ZSCAN5A: variants seen among roughly 807,000 people sequenced by gnomAD.
ZSCAN5A encodes the protein zinc finger and SCAN domain containing 5A, also known as zinc finger and SCAN domain-containing protein 5A.
ZSCAN5A carries 12 observed loss-of-function variants against 23.7 expected under a neutral mutation model. That is an observed-to-expected ratio of 0.51 (90% confidence interval 0.32 to 0.82). ZSCAN5A has a LOEUF of 0.82. Ranked by LOEUF, ZSCAN5A falls within the 40% of genes least tolerant of loss-of-function variation. The probability of loss-of-function intolerance (pLI) is 0.03; values close to 1 mark genes in which losing one functional copy is unlikely to be tolerated. For synonymous variants in ZSCAN5A, 257 were observed against 239.9 expected (o/e 1.07, Z -0.66); for missense variants, 597 against 617.9 (o/e 0.97, Z 0.36).
intron 2 of ZSCAN5A, among the ~76,000 whole-genome samples, chr19:56,288,209 C>T (rs573297416): frequency 2.0e-5 from 3 of 152,188 alleles, no homozygotes; most frequent in Non-Finnish European, 2.9e-5. Flanking sequence ...TCTCCAGCCA[C>T]GTCTTGTACC....
In ZSCAN5A at chr19:56,244,092, G is replaced by C. The variant is rs1024763334; in HGVS notation, c.-127-18919C>G. On this transcript the variant is annotated intron_variant, in intron 2 of 5. Coordinates refer to ENST00000683990, the MANE Select transcript of ZSCAN5A (RefSeq NM_001322064.3). ...TGGGGTCAGGGAGGACCCTGCAACA[G>C]CCCTGAGTCAGAGCCGCCACAGTCT... 3.6e-6 allele frequency: 5 copies of C among 1,385,702 alleles called. No homozygotes were observed. In the African/African-American group the frequency reaches 5.7e-5, roughly 16 times the overall value. The allele number at this position is 1,385,702 out of a possible 1,614,324, so 85.8% of individuals were successfully genotyped here.
chr19:56,253,081 T>A (rs2036462827), intron 2 of ZSCAN5A, among the ~76,000 whole-genome samples: 1 of 152,168 alleles, frequency 6.6e-6, no homozygotes, highest in Non-Finnish European at 1.5e-5. Flanking sequence ...ACCTGTGGAC[T>A]TAGAAGCTGG....
chr19:56,336,562 CTGA>C (rs1262354761), intron 2 of ZSCAN5A, among the ~76,000 whole-genome samples: 3 of 152,192 alleles, frequency 2.0e-5, no homozygotes, highest in Non-Finnish European at 4.4e-5. Context: ...GTTTGATCTT[CTGA>C]AGCCTTCTTC....
rs1244857477 is a variant in ZSCAN5A, at chr19:56,221,914, A to G, written c.1152T>C (p.Phe384=). ...AGCGCTTCCCACAGAGATTACATTG[A>G]AAGAGTCTCTCGCCTGTGTGTGATC... ...HKRSHTGERL[F]QCNLCGKRFM... The change falls in exon 6 of 6, where the codon TTT becomes TTC. Residue 384 remains phenylalanine (F), a synonymous_variant. Transcript: ENST00000683990. 1.2e-6 allele frequency: 2 copies of G among 1,614,096 alleles called. No homozygotes were observed. The highest frequency in any genetic ancestry group is 1.1e-5 in the South Asian group (1 of 91,090).
Position 56,224,959 on chromosome 19 carries a change from C to T in ZSCAN5A, c.88G>A (p.Glu30Lys). 1 of 1,614,230 alleles carries T rather than the reference C, an allele frequency of 6.2e-7. No homozygotes were observed. ...ACGTCGTGATTTCCAAGTTGAGTTT[C>T]TGAGGATGCCATAGACCGTGGCAGC... Reference protein sequence around the residue: ...LELPRSMASSETQLGNHDVDP... With the variant: ...LELPRSMASSKTQLGNHDVDP... Residue 30 changes from glutamate to lysine, a missense_variant, in exon 3 of 6, where the codon GAA becomes AAA. Physicochemically the swap from Glu to Lys is moderately conservative, Grantham distance 56. Coordinates refer to ENST00000683990, the MANE Select transcript of ZSCAN5A (RefSeq NM_001322064.3).
In ZSCAN5A at chr19:56,223,479, C is replaced by T. The variant is rs912110772; in HGVS notation, c.588+152G>A. The stretch of plus-strand genomic sequence containing the variant: ...GATGAGGCTTCCCTCTCTGTGATGG[C>T]TCAGGAATGAATGTTTGGGGATGTA... On this transcript the variant is annotated intron_variant, in intron 4 of 5. Transcript: ENST00000683990. The T allele has an allele frequency of 3.3e-4, 268 of 822,508 alleles. 1 individual carries two copies. The highest frequency in any genetic ancestry group is 4.6e-4 in the Non-Finnish European group (250 of 539,096). The allele number at this position is 822,508 out of a possible 1,614,324, so 51.0% of individuals were successfully genotyped here.
intron 2 of ZSCAN5A, among the ~76,000 whole-genome samples, chr19:56,287,354 T>C (rs1008552157): frequency 2.0e-5 from 3 of 152,230 alleles, no homozygotes; most frequent in African/African-American, 7.2e-5. Flanking sequence ...CTCGAGCACA[T>C]GGTTCCTCAC....
intron 1 of ZSCAN5A, among the ~76,000 whole-genome samples, chr19:56,363,792 T>C (rs1015104612): frequency 2.0e-5 from 3 of 152,232 alleles, no homozygotes; most frequent in African/African-American, 7.2e-5. Flanking sequence ...GTTCAAGATG[T>C]GGCATGGCTG....
At chr19:56,235,109 GCC>G (rs2034790449) in intron 2 of ZSCAN5A, among the ~76,000 whole-genome samples, 2 of 116,194 alleles carry the variant, frequency 1.7e-5, no homozygotes, top group Non-Finnish European at 3.8e-5. Flanking sequence ...GGTGGGCCAA[GCC>G]TCCACTCCAA....
intron 2 of ZSCAN5A, among the ~76,000 whole-genome samples, chr19:56,276,247 A>G (rs1168671648): frequency 6.6e-6 from 1 of 152,216 alleles, no homozygotes; most frequent in South Asian, 2.1e-4. Context: ...TGGGGTCTGG[A>G]CATGACTCAG....
chr19:56,301,324 G>A (rs899825592), intron 2 of ZSCAN5A, among the ~76,000 whole-genome samples: 4 of 152,080 alleles, frequency 2.6e-5, no homozygotes, highest in African/African-American at 9.7e-5. Flanking sequence ...TGGAGCTGAG[G>A]GTGCCTCCCC....
At chr19:56,320,535 C>A (rs2041364190) in intron 2 of ZSCAN5A, 3 of 439,786 alleles carry the variant, frequency 6.8e-6, no homozygotes, top group Non-Finnish European at 1.2e-5. Flanking sequence ...TCGCTTGAAC[C>A]CAGGAGGCGG....
intron 2 of ZSCAN5A, among the ~76,000 whole-genome samples, chr19:56,340,345 C>T (rs2041582115): frequency 3.9e-5 from 6 of 152,168 alleles, no homozygotes; most frequent in Admixed American, 3.9e-4. Flanking sequence ...GGGCAGCTCT[C>T]ACTGCAGACG....
intron 2 of ZSCAN5A, among the ~76,000 whole-genome samples, chr19:56,355,933 GA>G (rs2041698167): frequency 6.7e-6 from 1 of 148,714 alleles, no homozygotes; most frequent in Non-Finnish European, 1.5e-5. Context: ...ACAAAGAACA[GA>G]CATACACTTA....
intron 2 of ZSCAN5A, among the ~76,000 whole-genome samples, chr19:56,270,333 G>T (rs913179311): frequency 6.6e-6 from 1 of 152,108 alleles, no homozygotes; most frequent in Non-Finnish European, 1.5e-5. Context: ...CAGGAGAATC[G>T]TTTGAACCCA....
intron 2 of ZSCAN5A, among the ~76,000 whole-genome samples, chr19:56,292,703 T>C (rs73052139): frequency 0.049 from 7,495 of 152,150 alleles, 246 homozygotes; most frequent in South Asian, 0.074. Context: ...AAAGTACCCA[T>C]TAAACAGTCA....
intron 2 of ZSCAN5A, among the ~76,000 whole-genome samples, chr19:56,279,181 C>T (rs1184899108): frequency 6.6e-6 from 1 of 152,198 alleles, no homozygotes; most frequent in Non-Finnish European, 1.5e-5. Flanking sequence ...ATCACATCCC[C>T]TGAAAGGATC....
intron 2 of ZSCAN5A, among the ~76,000 whole-genome samples, chr19:56,298,383 A>G (rs1457083156): frequency 1.3e-5 from 2 of 152,130 alleles, no homozygotes; most frequent in Non-Finnish European, 2.9e-5. Flanking sequence ...CACATCTGTA[A>G]TCCCAGCATT....
upstream of ZSCAN5A, chr19:56,317,808 A>C (rs955924083): frequency 2.0e-5 from 3 of 152,396 alleles, no homozygotes; most frequent in African/African-American, 4.8e-5. Context: ...GCTGGCCTTG[A>C]CTATGGGAGT....
Sources: allele counts gnomAD v4.1 joint callset (sites outside exome capture counted in the v4.1 genomes callset), GRCh38; gene constraint gnomAD v4.1.1; transcripts MANE v1.5; gene names NCBI Gene and HGNC (gene_info 2026-07-23, HGNC 2026-07-21).